MBTPS2: variants seen among roughly 807,000 people sequenced by gnomAD.
MBTPS2 encodes membrane-bound transcription factor site-2 protease.
Under a neutral mutation model 35.4 loss-of-function variants are expected in MBTPS2, and 2 were observed. The ratio of observed to expected loss-of-function variants is 0.06; its 90% CI spans 0.02 to 0.18. MBTPS2 has a LOEUF of 0.18. Among genes scored for constraint, MBTPS2 ranks in the 10% least tolerant of loss-of-function variants. The pLI, the probability that MBTPS2 is intolerant of heterozygous loss-of-function variation, is 1.00. For synonymous variants in MBTPS2, 125 were observed against 140.4 expected, an observed-to-expected ratio of 0.89 and a Z score of 0.77; for missense variants, 244 against 386.5, an observed-to-expected ratio of 0.63 and a Z score of 3.09.
chrX:21,841,138 G>T (rs1233359634), intron 1 of MBTPS2, among the ~76,000 whole-genome samples: 1 of 111,876 alleles, frequency 8.9e-6, no homozygotes, highest in Non-Finnish European at 1.9e-5. Context: ...CACTGATGTG[G>T]CCGGTCACAG....
At chrX:21,857,103 C>G in intron 5 of MBTPS2, 1 of 1,211,648 alleles carries the variant, frequency 8.3e-7, no homozygotes, top group East Asian at 3.0e-5. Context: ...GGCTGAAAAC[C>G]CACCTGATTA....
intron 5 of MBTPS2, chrX:21,857,490 A>G (rs772123950): frequency 8.3e-6 from 10 of 1,210,411 alleles, no homozygotes; most frequent in Non-Finnish European, 1.1e-5. Flanking sequence ...GCGCATCCAC[A>G]CCGGCGATAA....
chrX:21,845,327 C>T lies in MBTPS2; in HGVS notation c.381C>T (p.Ser127=), dbSNP rs375737330. ...CCTCTTCCTCCTCTTCTTCCTCTTC[C>T]TCTTCTTCATCTTCTTCCTCTTCCT... ...SSSSSSSSSS[S]SSSSSSSSSL... The change falls in exon 3 of 11, where the codon TCC becomes TCT. Residue 127 remains serine, a synonymous_variant. Transcript: ENST00000379484. The T allele has an allele frequency of 7.5e-6, 9 of 1,195,728 alleles. No individual in the cohort carries two copies. The highest frequency in any genetic ancestry group is 1.0e-5 in the Non-Finnish European group (9 of 882,714).
chrX:21,855,414 A>G (rs1198316786), intron 5 of MBTPS2, among the ~76,000 whole-genome samples: 1 of 110,734 alleles, frequency 9.0e-6, no homozygotes, highest in Non-Finnish European at 1.9e-5. Flanking sequence ...AATGGGAGAA[A>G]TTAAGAAAGT....
Position 21,885,056 on chromosome X carries a change from G to T in MBTPS2, c.*2401G>T, listed in dbSNP as rs183018769. ...ATTCTCAGTGTTCCTACTCTGCATT[G>T]TTTACATTTTTGACAGTTTTTTTTA... On this transcript the variant is annotated 3_prime_UTR_variant, in exon 11 of 11. Transcript: ENST00000379484. The T allele has an allele frequency of 3.1e-4, 234 of 750,923 alleles. No individual in the cohort carries two copies. The East Asian group carries it at 0.011, about 34-fold the overall frequency. The allele number at this position is 750,923 out of a possible 1,213,427, so 61.9% of individuals were successfully genotyped here. A position where few individuals can be genotyped will look rare whatever the true frequency, so the allele number is the denominator to read the frequency against.
rs983393286 is a variant in MBTPS2 at position 21,883,631 on chromosome X, G to A, written c.*976G>A. On this transcript the variant is annotated 3_prime_UTR_variant, in exon 11 of 11. Transcript: ENST00000379484. Reference sequence around the variant, plus strand: ...CCAAGAAGCAATGACCTTAAACTCTGAGCCATACTCTGTCCTCACCAGCGG... The same window carrying A: ...CCAAGAAGCAATGACCTTAAACTCTAAGCCATACTCTGTCCTCACCAGCGG... 2.3e-5 allele frequency: 17 copies of A among 752,000 alleles called. No homozygotes were observed. In the African/African-American group the frequency reaches 3.9e-4, roughly 17 times the overall value. The allele number at this position is 752,000 out of a possible 1,213,427, so 62.0% of individuals were successfully genotyped here. A position where few individuals can be genotyped will look rare whatever the true frequency, so the allele number is the denominator to read the frequency against.
At chrX:21,854,782 C>T (rs751280468) in intron 5 of MBTPS2, among the ~76,000 whole-genome samples, 40 of 111,898 alleles carry the variant, frequency 3.6e-4, no homozygotes, top group Non-Finnish European at 6.8e-4. Context: ...ATACCGTGAA[C>T]ACAGAAGACA....
chrX:21,839,682 G>A lies in MBTPS2; in HGVS notation c.-53G>A, dbSNP rs923164042. The A allele has an allele frequency of 7.1e-6, 8 of 1,131,814 alleles. No homozygotes were observed. The highest frequency in any genetic ancestry group is 9.5e-6 in the Non-Finnish European group (8 of 840,649). 93.3% of individuals were successfully genotyped at this position (1,131,814 alleles called of 1,213,427 possible). Reference sequence around the variant, plus strand: ...GCGCGCGCGGTCAGCTGTTGGCGGTGCAGGGAGGAGGACGCCGGGGCTCGC... The same window carrying A: ...GCGCGCGCGGTCAGCTGTTGGCGGTACAGGGAGGAGGACGCCGGGGCTCGC... On this transcript the variant is annotated 5_prime_UTR_variant, in exon 1 of 11. Coordinates refer to ENST00000379484, the MANE Select transcript of MBTPS2 (RefSeq NM_015884.4).
At chrX:21,855,017 G>A (rs1272832154) in intron 5 of MBTPS2, among the ~76,000 whole-genome samples, 3 of 111,935 alleles carry the variant, frequency 2.7e-5, no homozygotes, top group African/African-American at 9.7e-5. Context: ...ACTGCCTTAG[G>A]CAGTCATGCA....
intron 7 of MBTPS2, among the ~76,000 whole-genome samples, chrX:21,873,402 A>G (rs1488709490): frequency 2.7e-5 from 3 of 112,491 alleles, no homozygotes; most frequent in Non-Finnish European, 5.6e-5. Flanking sequence ...GACAATAACT[A>G]GTATGGCTCT....
At chrX:21,858,888 CAAAAAAAAA>C (rs5901684) in intron 5 of MBTPS2, among the ~76,000 whole-genome samples, 15 of 61,911 alleles carry the variant, frequency 2.4e-4, no homozygotes, top group South Asian at 8.9e-4. Flanking sequence ...GACCTTGTGT[CAAAAAAAAA>C]AAAAAAAAAG....
intron 5 of MBTPS2, 128 bp from the exon 6 acceptor site, chrX:21,868,339 A>G: frequency 1.8e-6 from 1 of 559,178 alleles, no homozygotes; most frequent in Non-Finnish European, 3.3e-6. Context: ...ATAAGTAGAT[A>G]TTTTTGCCTC....
In MBTPS2 at chrX:21,883,948, G is replaced by T. The variant is rs899838697; in HGVS notation, c.*1293G>T. The T allele has an allele frequency of 1.5e-5, 11 of 753,679 alleles. No homozygotes were observed. Among genetic ancestry groups the T allele is most frequent in the Non-Finnish European group, 1.7e-5 (11 of 639,156 alleles). 62.1% of individuals were successfully genotyped at this position (753,679 alleles called of 1,213,427 possible). ...ATATGAGCTTGCTGTTTCTTTGATG[G>T]AAAATACATGCTTCTCTTGTATACT... On this transcript the variant is annotated 3_prime_UTR_variant, in exon 11 of 11. Transcript: ENST00000379484.
chrX:21,861,211 T>A (rs1173021347), intron 5 of MBTPS2, among the ~76,000 whole-genome samples: 1 of 111,934 alleles, frequency 8.9e-6, no homozygotes, highest in Non-Finnish European at 1.9e-5. Flanking sequence ...CCAGTGTCAT[T>A]CAGAGAGTGG....
At chrX:21,862,968 A>ATATATATATATAT (rs1569325859) in intron 5 of MBTPS2, among the ~76,000 whole-genome samples, 185 of 66,898 alleles carry the variant, frequency 2.8e-3, no homozygotes, top group East Asian at 4.0e-3. Flanking sequence ...ATATATATAT[A>ATATATATATATAT]AAACCGACTG....
At chrX:21,878,013 A>T in intron 7 of MBTPS2, 29 bp from the exon 8 acceptor site, 1 of 943,478 alleles carries the variant, frequency 1.1e-6, no homozygotes, top group East Asian at 3.1e-5. Flanking sequence ...TATATAAGAG[A>T]CTCTAATAAA....
chrX:21,880,582 A>T (rs1012258875), intron 9 of MBTPS2, among the ~76,000 whole-genome samples: 5 of 111,727 alleles, frequency 4.5e-5, no homozygotes, highest in Non-Finnish European at 9.4e-5. Context: ...GTTAAGTAGT[A>T]TAATAGTAGG....
At chrX:21,847,944 A>T (rs1021927656) in intron 3 of MBTPS2, among the ~76,000 whole-genome samples, 9 of 112,228 alleles carry the variant, frequency 8.0e-5, no homozygotes, top group African/African-American at 2.9e-4. Flanking sequence ...TTACCTCCAC[A>T]TCTGGGACTC....
chrX:21,879,587 T>G (rs1479977033), intron 9 of MBTPS2, among the ~76,000 whole-genome samples: 1 of 110,899 alleles, frequency 9.0e-6, no homozygotes, highest in Non-Finnish European at 1.9e-5. Context: ...GCCCAGTGAT[T>G]TTTAATATAT....
Sources: gnomAD v4.1 joint callset for allele counts (sites outside exome capture counted in the v4.1 genomes callset) on GRCh38, gnomAD v4.1.1 for gene constraint, MANE v1.5 for transcripts, NCBI Gene and HGNC (gene_info 2026-07-23, HGNC 2026-07-21) for gene names.